BOC: variants seen among roughly 807,000 people sequenced by gnomAD.
BOC encodes the protein brother of CDO.
In BOC, 76 loss-of-function variants were observed where a neutral mutation model predicts 112.0. That is an observed-to-expected ratio of 0.68 (90% CI 0.56 to 0.82). The LOEUF is 0.82. BOC is among the 40% of genes least tolerant of loss of function. BOC has a pLI of 0.00. For missense variants in BOC, 1,309 were observed against 1,511.7 expected (o/e 0.87, Z 2.22); for synonymous variants, 580 against 599.8 (o/e 0.97, Z 0.48).
rs1943819986 is a variant in BOC at position 113,238,136 on chromosome 3, T to C, written c.-81-11586T>C. 1.3e-5 allele frequency among the ~76,000 whole-genome samples: 2 copies of C among 152,058 alleles called. 1 individual carries two copies. Among genetic ancestry groups the C allele is most frequent in the South Asian group, 4.2e-4 (2 of 4,816 alleles). On this transcript the variant is annotated intron_variant, in intron 2 of 19. Coordinates refer to ENST00000682979, the MANE Select transcript of BOC (RefSeq NM_001378074.1). ...ATAAGAGGTGACATTTGAGGTAAGA[T>C]TTAAAGATAATTAGGAGTTCCATGC... is the stretch of plus-strand genomic sequence containing the variant.
intron 7 of BOC, 117 bp downstream of exon 7, chr3:113,272,820 A>G (rs1948270119): frequency 7.9e-7 from 1 of 1,270,898 alleles, no homozygotes. Flanking sequence ...CCACATGCTG[A>G]GTGAGGAACA....
rs1297040355 is a variant in BOC, at chr3:113,285,441, G to A, written c.3036G>A (p.Leu1012=). ...TGCCCGACGACTCCACTCACCAGCT[G>A]CTGCAGCCCCATCACGACTGCTGCC... ...YTLPDDSTHQ[L]LQPHHDCCQR... Residue 1012 remains leucine (L), a synonymous_variant, in exon 19 of 20, where the codon CTG becomes CTA. Coordinates refer to ENST00000682979, the MANE Select transcript of BOC (RefSeq NM_001378074.1). The A allele has an allele frequency of 3.1e-6, 5 of 1,613,900 alleles. No individual in the cohort carries two copies. In the African/African-American group the frequency reaches 4.0e-5, roughly 13 times the overall value.
At chr3:113,251,114 T>G in intron 4 of BOC, 1 of 590,554 alleles carries the variant, frequency 1.7e-6, no homozygotes, top group Non-Finnish European at 3.0e-6. Flanking sequence ...GGCAGAACTG[T>G]TCCGTGGGCC....
intron 7 of BOC, 143 bp from the exon 8 acceptor site, chr3:113,272,926 C>T (rs1948286439): frequency 8.7e-7 from 1 of 1,148,158 alleles, no homozygotes; most frequent in Non-Finnish European, 1.2e-6. Context: ...GACATCAGAC[C>T]TCTCCTTCCC....
At chr3:113,280,936 C>T in intron 14 of BOC, 95 bp from the exon 15 acceptor site, 2 of 1,529,208 alleles carry the variant, frequency 1.3e-6, no homozygotes, top group South Asian at 2.4e-5. Flanking sequence ...GGCATCCTCC[C>T]CCACACACTG....
At position 113,274,755 on chromosome 3, in the gene BOC, C is replaced by G; in HGVS notation, c.1542+73C>G. The G allele has an allele frequency of 6.9e-7, 1 of 1,448,076 alleles. No homozygotes were observed. The highest frequency in any genetic ancestry group is 9.3e-7 in the Non-Finnish European group (1 of 1,074,280). 89.7% of individuals were successfully genotyped at this position (1,448,076 alleles called of 1,614,324 possible). ...GCAAGGCTGAGCAGAGTCACTGTCT[C>G]TTGGCCATCTCCCCTTGAGCTCCTG... On this transcript the variant is annotated intron_variant, in intron 9 of 19. Coordinates refer to ENST00000682979, the MANE Select transcript of BOC (RefSeq NM_001378074.1). This position sits in a 1 kb window ranked among gnomAD's most constrained non-coding sequence, Gnocchi z 4.8.
intron 2 of BOC, among the ~76,000 whole-genome samples, chr3:113,229,813 A>G (rs1261875107): frequency 6.6e-6 from 1 of 152,244 alleles, no homozygotes; most frequent in Non-Finnish European, 1.5e-5. Context: ...CAAACACCGT[A>G]TCCAGTACAG....
At chr3:113,264,375 G>T (rs912512530) in intron 4 of BOC, among the ~76,000 whole-genome samples, 8 of 152,208 alleles carry the variant, frequency 5.3e-5, no homozygotes, top group Non-Finnish European at 1.2e-4. Flanking sequence ...CAGCCAACAG[G>T]CAAGGGCAGG....
intron 2 of BOC, among the ~76,000 whole-genome samples, chr3:113,228,933 CG>C (rs1221914588): frequency 6.6e-6 from 1 of 151,662 alleles, no homozygotes; most frequent in African/African-American, 2.4e-5. Flanking sequence ...CCTGCTCCTC[CG>C]CTCCCATACA....
At chr3:113,253,912 G>A (rs1031620554) in intron 4 of BOC, among the ~76,000 whole-genome samples, 1 of 152,212 alleles carries the variant, frequency 6.6e-6, no homozygotes, top group Non-Finnish European at 1.5e-5. Flanking sequence ...GCACAAGTCT[G>A]TAGAGACTCA....
rs200104101 is a variant in BOC, at chr3:113,278,791, G to A, written c.1816+8G>A. On this transcript the variant is annotated splice_region_variant and intron_variant, in intron 11 of 19. Transcript: ENST00000682979. The surrounding 1 kb of genome is among the most constrained non-coding windows in gnomAD (Gnocchi z 4.2). ...ACCACGGCCGCCTCTCCCGTAAGCC[G>A]CTAGCAGCAGGGACGGACGCGCAGT... 2.8e-5 allele frequency: 44 copies of A among 1,552,562 alleles called. No homozygotes were observed. The highest frequency in any genetic ancestry group is 3.3e-4 in the Middle Eastern group (2 of 5,988).
intron 2 of BOC, among the ~76,000 whole-genome samples, chr3:113,216,698 A>G (rs1939451334): frequency 6.6e-6 from 1 of 152,184 alleles, no homozygotes; most frequent in Non-Finnish European, 1.5e-5. Context: ...GATTCTTCCC[A>G]TCTTCTGAAA....
In BOC at chr3:113,274,813, G is replaced by A. The variant is rs1948495649; in HGVS notation, c.1542+131G>A. On this transcript the variant is annotated intron_variant, in intron 9 of 19. Transcript: ENST00000682979. This position sits in a 1 kb window ranked among gnomAD's most constrained non-coding sequence, Gnocchi z 4.8. ...AGCCGGTAATCCCCACCACTAAACA[G>A]GCCCTTCTGTCTCCTCCAGTGTCCA... 2 of 935,198 alleles carry A rather than the reference G, an allele frequency of 2.1e-6. No homozygotes were observed. The allele number at this position is 935,198 out of a possible 1,614,324, so 57.9% of individuals were successfully genotyped here.
chr3:113,232,402 A>G (rs1942752695), intron 2 of BOC, among the ~76,000 whole-genome samples: 1 of 152,222 alleles, frequency 6.6e-6, no homozygotes, highest in South Asian at 2.1e-4. Context: ...TAATTGAGAA[A>G]GGAAGGATTG....
At chr3:113,241,177 G>C (rs896638294) in intron 2 of BOC, among the ~76,000 whole-genome samples, 6 of 152,202 alleles carry the variant, frequency 3.9e-5, no homozygotes, top group African/African-American at 1.4e-4. Flanking sequence ...TAATGACCTT[G>C]TATTGACTGG....
intron 2 of BOC, among the ~76,000 whole-genome samples, chr3:113,248,823 G>A (rs1403866159): frequency 6.6e-6 from 1 of 152,202 alleles, no homozygotes; most frequent in Non-Finnish European, 1.5e-5. Flanking sequence ...TAGCTGAGGT[G>A]TGTTGTCAGA....
At chr3:113,250,944 C>T in intron 4 of BOC, 111 bp downstream of exon 4, 1 of 1,347,908 alleles carries the variant, frequency 7.4e-7, no homozygotes, top group Non-Finnish European at 1.0e-6. Flanking sequence ...TAAAATGGGC[C>T]TTAACTGCAG....
intron 2 of BOC, among the ~76,000 whole-genome samples, chr3:113,246,034 A>C (rs961712748): frequency 6.6e-6 from 1 of 152,216 alleles, no homozygotes; most frequent in Non-Finnish European, 1.5e-5. Context: ...TAATTTTCTC[A>C]AAAAATAAAT....
intron 19 of BOC, among the ~76,000 whole-genome samples, chr3:113,286,384 C>G (rs1949696744): frequency 6.6e-6 from 1 of 152,150 alleles, no homozygotes; most frequent in South Asian, 2.1e-4. Context: ...GCAGGGCTTC[C>G]TTCTGCGTTT....
Sources: gnomAD v4.1 joint callset for allele counts (sites outside exome capture counted in the v4.1 genomes callset) on GRCh38, gnomAD v4.1.1 for gene constraint, Gnocchi (gnomAD v3.1) non-coding constraint, MANE v1.5 for transcripts, NCBI Gene and HGNC (gene_info 2026-07-23, HGNC 2026-07-21) for gene names.